The following ARL6IP6 variants were observed in gnomAD, a reference collection of about 807,000 sequenced individuals.
ARL6IP6 encodes the protein ARF like GTPase 6 interacting protein 6.
In ARL6IP6, 22 loss-of-function variants were observed where a neutral mutation model predicts 21.5. That is an observed-to-expected ratio of 1.02 (90% CI 0.73 to 1.46). The LOEUF (loss-of-function observed/expected upper bound fraction) is 1.46. ARL6IP6 is among the 40% of genes most tolerant of loss of function. The pLI is 0.00. For synonymous variants in ARL6IP6, 164 were observed against 125.3 expected (o/e 1.31, Z -2.06); for missense variants, 388 against 299.8 (o/e 1.29, Z -2.17).
At chr2:152,718,524 G>A, upstream of ARL6IP6, 2 of 1,470,336 alleles carry the variant, frequency 1.4e-6, no homozygotes, top group East Asian at 2.4e-5. Flanking sequence ...GGGCTCTGAG[G>A]CCTGGTGGTA....
chr2:152,725,413 T>G (rs1366732604), intron 2 of ARL6IP6, among the ~76,000 whole-genome samples: 1 of 152,172 alleles, frequency 6.6e-6, no homozygotes, highest in Non-Finnish European at 1.5e-5. Context: ...GCATCCTAAT[T>G]TATTTGATAC....
At chr2:152,726,662 A>G in intron 2 of ARL6IP6, among the ~76,000 whole-genome samples, 1 of 152,232 alleles carries the variant, frequency 6.6e-6, no homozygotes, top group Non-Finnish European at 1.5e-5. Context: ...GCCAGCTGGT[A>G]ATAGTTTTTA....
chr2:152,751,388 A>G (rs540247588), intron 3 of ARL6IP6, among the ~76,000 whole-genome samples: 15 of 152,290 alleles, frequency 9.8e-5, no homozygotes, highest in South Asian at 4.1e-4. Flanking sequence ...AAAATACGCA[A>G]TAAGTTACTG....
intron 3 of ARL6IP6, among the ~76,000 whole-genome samples, chr2:152,752,134 T>C (rs1002164912): frequency 3.3e-5 from 5 of 152,198 alleles, no homozygotes; most frequent in African/African-American, 1.2e-4. Flanking sequence ...TTTCTCTTCA[T>C]GAAATTGTAG....
chr2:152,755,381 G>A (rs928236045), intron 3 of ARL6IP6, among the ~76,000 whole-genome samples: 9 of 152,096 alleles, frequency 5.9e-5, no homozygotes, highest in South Asian at 2.1e-4. Context: ...CGTCAGGCCC[G>A]CCTGCAGTTA....
chr2:152,724,032 A>T (rs1293995214), intron 2 of ARL6IP6, among the ~76,000 whole-genome samples: 1 of 151,804 alleles, frequency 6.6e-6, no homozygotes, highest in African/African-American at 2.4e-5. Context: ...AAAAAGTCAC[A>T]AATATCCTAT....
chr2:152,749,138 T>C (rs564003934), intron 3 of ARL6IP6, among the ~76,000 whole-genome samples: 5 of 152,278 alleles, frequency 3.3e-5, no homozygotes, highest in African/African-American at 1.2e-4. Flanking sequence ...AATTCTTTTA[T>C]AATATATTCA....
At chr2:152,753,580 A>T (rs1301353620) in intron 3 of ARL6IP6, among the ~76,000 whole-genome samples, 2 of 151,854 alleles carry the variant, frequency 1.3e-5, no homozygotes, top group African/African-American at 2.4e-5. Context: ...AATCCTATTG[A>T]ACTACTACTG....
chr2:152,725,363 C>T (rs1013551642), intron 2 of ARL6IP6, among the ~76,000 whole-genome samples: 23 of 152,116 alleles, frequency 1.5e-4, no homozygotes, highest in Admixed American at 1.2e-3. Context: ...GTAAGACTTT[C>T]CTAAGACTTT....
Position 152,759,822 on chromosome 2 carries a change from A to G in ARL6IP6, c.663A>G (p.Val221=). 1 of 1,613,238 alleles carries G rather than the reference A, an allele frequency of 6.2e-7. No individual in the cohort carries two copies. The highest frequency in any genetic ancestry group is 8.5e-7 in the Non-Finnish European group (1 of 1,179,302). The part of the protein sequence containing the change: ...ILNGIVAALT[V]AWCLM ...ATGGCATCGTAGCTGCTCTTACTGT[A>G]GCATGGTGCCTCATGTAAACCCACA... The change falls in exon 4 of 4, where the codon GTA becomes GTG. Residue 221 remains valine (V), a synonymous_variant. Coordinates refer to ENST00000326446, the MANE Select transcript of ARL6IP6 (RefSeq NM_152522.7).
rs956612102 is a variant in ARL6IP6 at position 152,760,762 on chromosome 2, A to C, written c.*922A>C. ...TTGTTTTTAATAAATATAAACATGA[A>C]ATTTTTGTATGTGAGAATGATTGAA... is the stretch of plus-strand genomic sequence containing the variant. On this transcript the variant is annotated 3_prime_UTR_variant, in exon 4 of 4. Transcript: ENST00000326446. 3.3e-5 allele frequency: 5 copies of C among 151,978 alleles called. No homozygotes were observed. Among genetic ancestry groups the C allele is most frequent in the Non-Finnish European group, 4.4e-5 (3 of 67,948 alleles). The allele number at this position is 151,978 out of a possible 1,614,324, so 9.4% of individuals were successfully genotyped here. A position where few individuals can be genotyped will look rare whatever the true frequency, so the allele number is the denominator to read the frequency against.
chr2:152,753,070 T>A (rs986094567), intron 3 of ARL6IP6, among the ~76,000 whole-genome samples: 18 of 151,500 alleles, frequency 1.2e-4, no homozygotes, highest in African/African-American at 4.4e-4. Context: ...CCCCGAGAGG[T>A]GGAGGCTGCA....
chr2:152,733,055 A>G (rs1461181166), intron 2 of ARL6IP6, among the ~76,000 whole-genome samples: 1 of 152,142 alleles, frequency 6.6e-6, no homozygotes. Flanking sequence ...AAGGCTATAA[A>G]TGACTTTTCC....
At chr2:152,718,059 T>G, upstream of ARL6IP6, 1 of 992,254 alleles carries the variant, frequency 1.0e-6, no homozygotes, top group Non-Finnish European at 1.2e-6. Flanking sequence ...GTAGTACGGG[T>G]GGGGAGAACC....
At chr2:152,725,835 G>A (rs1357965678) in intron 2 of ARL6IP6, among the ~76,000 whole-genome samples, 7 of 152,234 alleles carry the variant, frequency 4.6e-5, no homozygotes, top group Admixed American at 6.5e-5. Flanking sequence ...ATTGAAATTC[G>A]GATTTGCTGT....
chr2:152,749,730 A>G (rs1052628104), intron 3 of ARL6IP6, among the ~76,000 whole-genome samples: 10 of 152,198 alleles, frequency 6.6e-5, no homozygotes, highest in Admixed American at 5.2e-4. Context: ...GTGTTTATCT[A>G]ATCATAGAGC....
At chr2:152,723,978 C>A (rs56410098) in intron 2 of ARL6IP6, among the ~76,000 whole-genome samples, 9 of 152,038 alleles carry the variant, frequency 5.9e-5, no homozygotes, top group African/African-American at 2.2e-4. Flanking sequence ...GAAAGTGTTA[C>A]AGTGCTATCT....
chr2:152,742,666 A>G (rs1490569911), intron 3 of ARL6IP6, among the ~76,000 whole-genome samples: 2 of 151,082 alleles, frequency 1.3e-5, no homozygotes, highest in African/African-American at 2.4e-5. Flanking sequence ...GGAAAATGTT[A>G]GTTATGGATA....
At position 152,762,259 on chromosome 2, in the gene ARL6IP6, G is replaced by A. The variant is rs3175; in HGVS notation, c.*2419G>A. Among the ~76,000 whole-genome samples the A allele has an allele frequency of 0.62, 93,778 of 152,058 alleles. 29,199 individuals are homozygous for A. The highest frequency in any genetic ancestry group is 0.72 in the East Asian group (3,718 of 5,158). On this transcript the variant is annotated 3_prime_UTR_variant, in exon 4 of 4. Coordinates refer to ENST00000326446, the MANE Select transcript of ARL6IP6 (RefSeq NM_152522.7). ...AGGAAATGCTGGCAGCTGTAGTTCA[G>A]CCAGGCTCAGTGGGAAAGAATAAGG...
Sources: allele counts gnomAD v4.1 joint callset (sites outside exome capture counted in the v4.1 genomes callset), GRCh38; gene constraint gnomAD v4.1.1; transcripts MANE v1.5; gene names NCBI Gene and HGNC (gene_info 2026-07-23, HGNC 2026-07-21).